Variants in ARHGEF10 observed in about 807,000 individuals in gnomAD.
ARHGEF10 encodes the protein Rho guanine nucleotide exchange factor 10, also known as Rho guanine nucleotide exchange factor (GEF) 10.
ARHGEF10 carries 140 observed loss-of-function variants against 147.4 expected under a neutral mutation model. The ratio of observed to expected loss-of-function variants is 0.95; its 90% confidence interval spans 0.83 to 1.09. ARHGEF10 has a LOEUF of 1.09. Among genes scored for constraint, ARHGEF10 ranks in the 50% least tolerant of loss-of-function variants. The pLI, the probability that ARHGEF10 is intolerant of heterozygous loss-of-function variation, is 0.00. For synonymous variants in ARHGEF10, 902 were observed against 695.8 expected (o/e 1.30, Z -4.67); for missense variants, 2,222 against 1,752.7 (o/e 1.27, Z -4.78).
intron 15 of ARHGEF10, among the ~76,000 whole-genome samples, chr8:1,902,555 C>T (rs569860699): frequency 3.9e-5 from 6 of 152,086 alleles, no homozygotes; most frequent in Admixed American, 1.3e-4. Flanking sequence ...CAAAATTGAG[C>T]GGAAAGTACA....
intron 17 of ARHGEF10, among the ~76,000 whole-genome samples, chr8:1,909,076 G>A (rs1224374678): frequency 2.0e-5 from 3 of 152,178 alleles, no homozygotes; most frequent in South Asian, 2.1e-4. Context: ...TCCCCTGTGC[G>A]GCTCTTCCCT....
chr8:1,872,913 C>T (rs1186784627), intron 7 of ARHGEF10, among the ~76,000 whole-genome samples: 1 of 152,164 alleles, frequency 6.6e-6, no homozygotes, highest in Admixed American at 6.5e-5. Flanking sequence ...GGTAAATGTG[C>T]CACAAAGAAA....
intron 4 of ARHGEF10, among the ~76,000 whole-genome samples, chr8:1,861,492 C>T (rs1444784595): frequency 6.6e-6 from 1 of 152,208 alleles, no homozygotes; most frequent in Non-Finnish European, 1.5e-5. Context: ...CTGTCTTTCC[C>T]AGGAACGCGC....
chr8:1,923,122 A>G (rs1241505297), intron 19 of ARHGEF10, 43 bp downstream of exon 19: 7 of 1,407,722 alleles, frequency 5.0e-6, no homozygotes, highest in Admixed American at 1.7e-5. Flanking sequence ...GCCTTTACTT[A>G]TAAGTCATTG....
At position 1,948,903 on chromosome 8, in the gene ARHGEF10, CCTT is replaced by C. The variant is rs1443746414; in HGVS notation, c.3397+3249_3397+3251del. On this transcript the variant is annotated intron_variant, in intron 27 of 28. Transcript: ENST00000349830. The surrounding 1 kb of genome is among the most constrained non-coding windows in gnomAD (Gnocchi z 4.9). ...GTCACTGCTCCTGGGTTCTTCTCCT[CCTT>C]ATCGTCCAAGATGGTTCCTGGAGGC... Among the ~76,000 whole-genome samples, 2 of 152,180 alleles carry C rather than the reference CCTT, an allele frequency of 1.3e-5. No homozygotes were observed. The highest frequency in any genetic ancestry group is 2.4e-5 in the African/African-American group (1 of 41,438).
intron 26 of ARHGEF10, among the ~76,000 whole-genome samples, chr8:1,934,649 G>A (rs191405977): frequency 1.4e-3 from 208 of 152,240 alleles, no homozygotes; most frequent in African/African-American, 4.8e-3. Flanking sequence ...TGGAAAACAC[G>A]GAGCTGGCTC....
At chr8:1,858,411 A>G (rs965582315) in intron 3 of ARHGEF10, among the ~76,000 whole-genome samples, 10 of 152,236 alleles carry the variant, frequency 6.6e-5, no homozygotes, top group African/African-American at 1.9e-4. Flanking sequence ...TGATTTCTTC[A>G]TGATGTACCT....
At chr8:1,866,636 C>T in intron 6 of ARHGEF10, 34 bp downstream of exon 6, 1 of 1,587,592 alleles carries the variant, frequency 6.3e-7, no homozygotes, top group Non-Finnish European at 8.6e-7. Flanking sequence ...CCAGAATCCT[C>T]ACCACGCTCC....
intron 1 of ARHGEF10, among the ~76,000 whole-genome samples, chr8:1,834,047 G>A (rs114002935): frequency 0.011 from 1,686 of 152,278 alleles, 38 homozygotes; most frequent in African/African-American, 0.039. Flanking sequence ...TGCCTGCTGC[G>A]ACTGCAGAGG....
At chr8:1,881,638 C>T (rs941354842) in intron 9 of ARHGEF10, among the ~76,000 whole-genome samples, 1 of 152,218 alleles carries the variant, frequency 6.6e-6, no homozygotes, top group South Asian at 2.1e-4. Context: ...TGAGGCCGTG[C>T]GTGTTGTGTG....
intron 10 of ARHGEF10, 135 bp downstream of exon 10, chr8:1,882,884 T>A (rs1585381719): frequency 1.2e-6 from 1 of 825,314 alleles, no homozygotes; most frequent in African/African-American, 1.7e-5. Flanking sequence ...TGCTCAGTGC[T>A]TGGGTCTGAA....
intron 10 of ARHGEF10, among the ~76,000 whole-genome samples, chr8:1,884,257 G>A (rs921850887): frequency 6.6e-5 from 10 of 152,194 alleles, no homozygotes; most frequent in Admixed American, 1.3e-4. Flanking sequence ...TTAGCTGGGC[G>A]TGGTGGCGGG....
intron 7 of ARHGEF10, chr8:1,870,490 A>C (rs1807021626): frequency 6.6e-6 from 1 of 152,190 alleles, no homozygotes; most frequent in African/African-American, 2.4e-5. Context: ...CAGATTGGAT[A>C]AAATAGCAAA....
intron 18 of ARHGEF10, among the ~76,000 whole-genome samples, chr8:1,913,027 C>T (rs1161118804): frequency 6.6e-6 from 1 of 152,114 alleles, no homozygotes; most frequent in African/African-American, 2.4e-5. Flanking sequence ...TGTTGCCATT[C>T]TGTGGGGGGG....
At chr8:1,828,593 T>C (rs1185257338) in intron 1 of ARHGEF10, among the ~76,000 whole-genome samples, 1 of 136,214 alleles carries the variant, frequency 7.3e-6, no homozygotes, top group Non-Finnish European at 1.5e-5. Flanking sequence ...ACACTTCCTG[T>C]TTTAAGGAAT....
intron 10 of ARHGEF10, among the ~76,000 whole-genome samples, chr8:1,883,280 C>T (rs886947737): frequency 6.6e-6 from 1 of 152,160 alleles, no homozygotes; most frequent in Non-Finnish European, 1.5e-5. Flanking sequence ...CGGCAACAAG[C>T]AGCAGGCTGG....
In ARHGEF10 at chr8:1,861,077, TGTGGGTGCCCTC is replaced by T. The variant is rs553527802; in HGVS notation, c.481+903_481+914del. Among the ~76,000 whole-genome samples the T allele has an allele frequency of 3.9e-5, 6 of 152,320 alleles. No homozygotes were observed. The South Asian group carries it at 1.0e-3, about 26-fold the overall frequency. ...GCCAGGACATGCTCCGAGCGAGGAC[TGTGGGTGCCCTC>T]GTGGGTGCCTCGCTCACCTCCGGTC... On this transcript the variant is annotated intron_variant, in intron 4 of 28. Coordinates refer to ENST00000349830, the MANE Select transcript of ARHGEF10 (RefSeq NM_014629.4).
chr8:1,864,458 C>T lies in ARHGEF10; in HGVS notation c.545+22C>T. 3 of 1,609,716 alleles carry T rather than the reference C, an allele frequency of 1.9e-6. No individual in the cohort carries two copies. The South Asian group carries it at 3.3e-5, about 18-fold the overall frequency. Reference sequence around the variant, plus strand: ...CCAGGTATCTGCATCCGTCTTCCCACACCTGCTGAATTCCCGCCTTTCTCC... The same window carrying T: ...CCAGGTATCTGCATCCGTCTTCCCATACCTGCTGAATTCCCGCCTTTCTCC... On this transcript the variant is annotated intron_variant, in intron 5 of 28. Coordinates refer to ENST00000349830, the MANE Select transcript of ARHGEF10 (RefSeq NM_014629.4).
At chr8:1,826,110 G>T in intron 1 of ARHGEF10, 2 of 1,594,638 alleles carry the variant, frequency 1.3e-6, no homozygotes, top group Non-Finnish European at 1.7e-6. Flanking sequence ...TTTATAGACA[G>T]ATGAGACCTC....
Sources: allele counts gnomAD v4.1 joint callset (sites outside exome capture counted in the v4.1 genomes callset), GRCh38; gene constraint gnomAD v4.1.1; non-coding constraint Gnocchi (gnomAD v3.1); transcripts MANE v1.5; gene names NCBI Gene and HGNC (gene_info 2026-07-23, HGNC 2026-07-21).